MINDY2: variants seen among roughly 807,000 people sequenced by gnomAD.
MINDY2 encodes the protein MINDY lysine 48 deubiquitinase 2, also known as ubiquitin carboxyl-terminal hydrolase MINDY-2.
Under a neutral mutation model 68.2 loss-of-function variants are expected in MINDY2, and 52 were observed. The ratio of observed to expected loss-of-function variants is 0.76; its 90% CI spans 0.61 to 0.96. MINDY2 has a LOEUF of 0.96. MINDY2 is among the 40% of genes least tolerant of loss of function. The pLI, the probability that MINDY2 is intolerant of heterozygous loss-of-function variation, is 0.00. For synonymous variants in MINDY2, 372 were observed against 303.0 expected, an observed-to-expected ratio of 1.23 and a Z score of -2.36; for missense variants, 881 against 773.4, an observed-to-expected ratio of 1.14 and a Z score of -1.65.
Position 58,858,206 on chromosome 15 carries a change from T to G in MINDY2, c.*3596T>G, listed in dbSNP as rs2033118880. 1 of 152,190 alleles carries G rather than the reference T, an allele frequency of 6.6e-6. No homozygotes were observed. Among genetic ancestry groups the G allele is most frequent in the South Asian group, 2.1e-4 (1 of 4,838 alleles). 9.4% of individuals were successfully genotyped at this position (152,190 alleles called of 1,614,324 possible). On this transcript the variant is annotated 3_prime_UTR_variant, in exon 9 of 9. Transcript: ENST00000559228. ...CCATGTTTCAAGGTCAGGTTCAGAG[T>G]TGAATGAAGTGTAGATTTAAATTTA...
At position 58,779,642 on chromosome 15, in the gene MINDY2, T is replaced by C. The variant is rs185539156; in HGVS notation, c.840+7407T>C. Among the ~76,000 whole-genome samples, 5 of 152,358 alleles carry C rather than the reference T, an allele frequency of 3.3e-5. No homozygotes were observed. In the East Asian group the frequency reaches 7.7e-4, roughly 23 times the overall value. ...TAAATATAGATCCTGTAAAAAGAGA[T>C]TAAAACTTCACACAATTGTGGGGTT... is the stretch of plus-strand genomic sequence containing the variant. On this transcript the variant is annotated intron_variant, in intron 1 of 8. Coordinates refer to ENST00000559228, the MANE Select transcript of MINDY2 (RefSeq NM_001040450.3).
intron 8 of MINDY2, among the ~76,000 whole-genome samples, chr15:58,852,951 TTTTTTTTTTTTTTTTTTTTAA>T (rs1164281602): frequency 1.6e-3 from 51 of 32,424 alleles, no homozygotes; most frequent in Non-Finnish European, 2.8e-3. Context: ...TTTTTTTTTT[TTTTTTTTTTTTTTTTTTTTAA>T]GACAGAGTCT....
At chr15:58,837,968 C>T (rs377073004) in intron 6 of MINDY2, among the ~76,000 whole-genome samples, 1 of 75,122 alleles carries the variant, frequency 1.3e-5, no homozygotes, top group African/African-American at 4.6e-5. Context: ...GACCTTCTTT[C>T]AAAAAAAAAA....
chr15:58,830,698 T>A (rs191659979), intron 5 of MINDY2, among the ~76,000 whole-genome samples: 2 of 152,218 alleles, frequency 1.3e-5, no homozygotes, highest in Non-Finnish European at 2.9e-5. Context: ...TATGCTTGGA[T>A]GCTGTTTGAA....
intron 3 of MINDY2, among the ~76,000 whole-genome samples, chr15:58,807,614 C>G (rs1903121954): frequency 6.6e-6 from 1 of 152,136 alleles, no homozygotes. Context: ...CCGCCCGCCT[C>G]GGCCTCCCAA....
chr15:58,833,740 A>T (rs1267285315), intron 6 of MINDY2, among the ~76,000 whole-genome samples: 1 of 152,086 alleles, frequency 6.6e-6, no homozygotes, highest in Non-Finnish European at 1.5e-5. Context: ...CTGTCTCAGT[A>T]GATGGAGTAT....
At chr15:58,792,872 C>G in intron 2 of MINDY2, among the ~76,000 whole-genome samples, 1 of 152,040 alleles carries the variant, frequency 6.6e-6, no homozygotes, top group Non-Finnish European at 1.5e-5. Context: ...GCTGGTGGTG[C>G]GTGCCTATGG....
At chr15:58,778,550 C>A (rs1567036592) in intron 1 of MINDY2, among the ~76,000 whole-genome samples, 1 of 150,256 alleles carries the variant, frequency 6.7e-6, no homozygotes, top group Non-Finnish European at 1.5e-5. Context: ...AAAAAAAAAA[C>A]CTCACCATAA....
intron 4 of MINDY2, among the ~76,000 whole-genome samples, chr15:58,818,678 GT>G (rs1186576326): frequency 4.4e-5 from 6 of 137,778 alleles, no homozygotes; most frequent in Non-Finnish European, 9.3e-5. Flanking sequence ...TTGAGACAGT[GT>G]TTTTGTTCTT....
intron 6 of MINDY2, among the ~76,000 whole-genome samples, chr15:58,833,489 G>T (rs550351160): frequency 2.6e-5 from 4 of 152,176 alleles, no homozygotes; most frequent in African/African-American, 9.6e-5. Context: ...GAGGATCCAC[G>T]CCGGCACCGG....
intron 1 of MINDY2, 69 bp downstream of exon 1, chr15:58,772,304 C>T (rs1242930254): frequency 1.6e-5 from 25 of 1,584,712 alleles, no homozygotes; most frequent in Non-Finnish European, 2.0e-5. Flanking sequence ...GGAGCTGCTG[C>T]ATGTCAGGTG....
At chr15:58,807,377 A>T (rs1903095763) in intron 3 of MINDY2, among the ~76,000 whole-genome samples, 1 of 113,726 alleles carries the variant, frequency 8.8e-6, no homozygotes, top group African/African-American at 3.5e-5. Flanking sequence ...TTTTTTTGAG[A>T]CCGAGTCTTG....
At chr15:58,823,822 A>C (rs1045443912) in intron 5 of MINDY2, among the ~76,000 whole-genome samples, 1 of 152,246 alleles carries the variant, frequency 6.6e-6, no homozygotes, top group Admixed American at 6.5e-5. Context: ...CTCTCAATTA[A>C]CAAAATTCCT....
At chr15:58,790,688 G>A (rs1471649522) in intron 2 of MINDY2, among the ~76,000 whole-genome samples, 2 of 152,120 alleles carry the variant, frequency 1.3e-5, no homozygotes, top group East Asian at 3.8e-4. Context: ...TGTAAGAAGT[G>A]GTTAGATACT....
At chr15:58,782,329 T>C (rs1901199280) in intron 1 of MINDY2, among the ~76,000 whole-genome samples, 1 of 152,186 alleles carries the variant, frequency 6.6e-6, no homozygotes, top group South Asian at 2.1e-4. Flanking sequence ...TTGACTATTA[T>C]TTAGTGCGTC....
chr15:58,777,502 T>C (rs1771896978), intron 1 of MINDY2, among the ~76,000 whole-genome samples: 1 of 152,010 alleles, frequency 6.6e-6, no homozygotes, highest in African/African-American at 2.4e-5. Flanking sequence ...GGCTAGGCAG[T>C]GTGGCTAACG....
intron 4 of MINDY2, among the ~76,000 whole-genome samples, chr15:58,812,504 A>T (rs1185397942): frequency 6.6e-6 from 1 of 152,158 alleles, no homozygotes; most frequent in Admixed American, 6.6e-5. Flanking sequence ...CCCCAATGGG[A>T]AAATTTAGTA....
At chr15:58,825,731 A>G (rs1284532519) in intron 5 of MINDY2, among the ~76,000 whole-genome samples, 1 of 152,070 alleles carries the variant, frequency 6.6e-6, no homozygotes, top group Non-Finnish European at 1.5e-5. Context: ...TTAGCCTCCC[A>G]GGTAGCTGGG....
chr15:58,777,017 A>G (rs948291130), intron 1 of MINDY2, among the ~76,000 whole-genome samples: 3 of 152,256 alleles, frequency 2.0e-5, no homozygotes, highest in African/African-American at 7.2e-5. Flanking sequence ...TTTTGTGAGA[A>G]AAGCATATTG....
Sources: allele counts gnomAD v4.1 joint callset (sites outside exome capture counted in the v4.1 genomes callset), GRCh38; gene constraint gnomAD v4.1.1; transcripts MANE v1.5; gene names NCBI Gene and HGNC (gene_info 2026-07-23, HGNC 2026-07-21).